Variants in RIMS2 observed in about 807,000 individuals in gnomAD.
RIMS2 encodes the protein regulating synaptic membrane exocytosis protein 2.
RIMS2 carries 59 observed loss-of-function variants against 174.4 expected under a neutral mutation model. The ratio of observed to expected loss-of-function variants is 0.34; its 90% CI spans 0.27 to 0.42. The LOEUF (loss-of-function observed/expected upper bound fraction) is 0.42, where lower values mean the gene tolerates loss of function less well. RIMS2 is among the 10% of genes least tolerant of loss of function. The pLI is 1.00. For synonymous variants in RIMS2, 606 were observed against 572.5 expected (o/e 1.06, Z -0.84); for missense variants, 1,620 against 1,666.3 (o/e 0.97, Z 0.48).
In RIMS2 at chr8:103,910,799, C is replaced by T. The variant is rs114097934; in HGVS notation, c.1692+598C>T. Reference sequence around the variant, plus strand: ...ACTTAGGAACAAAGGAATGTTTTGTCTTTTGTCGCATGAGAGAACTTTGTA... The same window carrying T: ...ACTTAGGAACAAAGGAATGTTTTGTTTTTTGTCGCATGAGAGAACTTTGTA... On this transcript the variant is annotated intron_variant, in intron 5 of 23. Coordinates refer to ENST00000504942, the Ensembl canonical transcript of RIMS2. 8.1e-3 allele frequency among the ~76,000 whole-genome samples: 1,232 copies of T among 152,204 alleles called. 19 individuals are homozygous for T. The highest frequency in any genetic ancestry group is 0.028 in the African/African-American group (1,178 of 41,524).
In RIMS2 at chr8:103,500,762, T is replaced by C. The variant is rs568161876; in HGVS notation, c.-125T>C. Reference sequence around the variant, plus strand: ...GGGGGAGGGGGGCTGTCGCCTTGGATTGAAGGCCATTGATTTGTATGTATT... The same window carrying C: ...GGGGGAGGGGGGCTGTCGCCTTGGACTGAAGGCCATTGATTTGTATGTATT... On this transcript the variant is annotated 5_prime_UTR_variant, in exon 1 of 24. Transcript: ENST00000504942. 2.6e-5 allele frequency: 15 copies of C among 566,644 alleles called. No homozygotes were observed. The African/African-American group carries it at 2.9e-4, about 11-fold the overall frequency. The allele number at this position is 566,644 out of a possible 1,614,324, so 35.1% of individuals were successfully genotyped here.
intron 1 of RIMS2, among the ~76,000 whole-genome samples, chr8:103,690,095 G>A (rs943779178): frequency 6.6e-5 from 10 of 151,734 alleles, no homozygotes; most frequent in African/African-American, 2.2e-4. Flanking sequence ...CAAGTAGTTG[G>A]GGTTACAGGC....
chr8:103,551,338 A>G (rs1036571259), intron 1 of RIMS2, among the ~76,000 whole-genome samples: 5 of 152,208 alleles, frequency 3.3e-5, no homozygotes, highest in Non-Finnish European at 7.3e-5. Context: ...AACAGAATCA[A>G]AGACAAAAAC....
chr8:103,921,539 C>T (rs2077664965), intron 9 of RIMS2, 133 bp from the exon 13 acceptor site: 6 of 563,702 alleles, frequency 1.1e-5, no homozygotes, highest in Non-Finnish European at 1.6e-5. Flanking sequence ...AATGTTTTGT[C>T]TAAGAAATGG....
Position 103,522,146 on chromosome 8 carries a change from TC to T in RIMS2, c.176+21085del, listed in dbSNP as rs1586723676. The stretch of plus-strand genomic sequence containing the variant: ...TCCTCCATTCTACTGCATAGTCTTT[TC>T]TATCAATTGTTGTTCAATTGAATTT... On this transcript the variant is annotated intron_variant, in intron 1 of 23. Coordinates refer to ENST00000504942, the Ensembl canonical transcript of RIMS2. Among the ~76,000 whole-genome samples, 5 of 152,282 alleles carry T rather than the reference TC, an allele frequency of 3.3e-5. No individual in the cohort carries two copies. In the East Asian group the frequency reaches 9.6e-4, roughly 29 times the overall value.
chr8:103,754,879 C>T (rs1365398192), intron 2 of RIMS2, among the ~76,000 whole-genome samples: 2 of 152,084 alleles, frequency 1.3e-5, no homozygotes, highest in Non-Finnish European at 2.9e-5. Flanking sequence ...TTGACTCTAT[C>T]CAATTTGCCA....
chr8:104,139,823 CATCTTTGCCATGTTTCAG>C (rs1396953494), intron 19 of RIMS2, among the ~76,000 whole-genome samples: 1 of 152,034 alleles, frequency 6.6e-6, no homozygotes, highest in East Asian at 1.9e-4. Context: ...TGAAAATGGC[CATCTTTGCCATGTTTCAG>C]ATCTTGCAGG....
At chr8:103,788,788 G>C (rs1303030291) in intron 3 of RIMS2, among the ~76,000 whole-genome samples, 1 of 152,206 alleles carries the variant, frequency 6.6e-6, no homozygotes, top group Non-Finnish European at 1.5e-5. Context: ...TTGAGCTGTG[G>C]TGGGCTCCAC....
intron 2 of RIMS2, 89 bp from the exon 6 acceptor site, chr8:103,766,138 A>G (rs2098168266): frequency 2.4e-6 from 2 of 836,778 alleles, no homozygotes; most frequent in Non-Finnish European, 3.7e-6. Flanking sequence ...TAACCACGTA[A>G]TTTTTTGTTT....
At chr8:104,174,187 T>G (rs2098852819) in intron 19 of RIMS2, among the ~76,000 whole-genome samples, 1 of 152,086 alleles carries the variant, frequency 6.6e-6, no homozygotes, top group Non-Finnish European at 1.5e-5. Context: ...CCTCAGGTGA[T>G]CCATCCGCTT....
At chr8:103,535,746 A>G (rs1398288796) in intron 1 of RIMS2, among the ~76,000 whole-genome samples, 1 of 152,228 alleles carries the variant, frequency 6.6e-6, no homozygotes, top group Non-Finnish European at 1.5e-5. Context: ...AACTTTAATA[A>G]GCTTCTGAAT....
At chr8:103,887,768 T>C (rs1411092840) in intron 4 of RIMS2, among the ~76,000 whole-genome samples, 3 of 151,436 alleles carry the variant, frequency 2.0e-5, no homozygotes, top group African/African-American at 7.3e-5. Context: ...TTGTTTCCAT[T>C]CTGAATTAAA....
chr8:103,624,609 A>G (rs1295312961), intron 1 of RIMS2, among the ~76,000 whole-genome samples: 2 of 152,242 alleles, frequency 1.3e-5, no homozygotes, highest in Admixed American at 1.3e-4. Context: ...ACTTTGCTAT[A>G]CATGTGTATA....
At chr8:103,530,128 G>T (rs1689896084) in intron 1 of RIMS2, among the ~76,000 whole-genome samples, 2 of 152,172 alleles carry the variant, frequency 1.3e-5, no homozygotes, top group Non-Finnish European at 2.9e-5. Context: ...CATGATAGTA[G>T]TGTATATGTT....
At chr8:103,625,301 C>T (rs1411481021) in intron 1 of RIMS2, among the ~76,000 whole-genome samples, 1 of 152,038 alleles carries the variant, frequency 6.6e-6, no homozygotes, top group South Asian at 2.1e-4. Context: ...TTAAGGAGTA[C>T]TGAATAAGGT....
chr8:103,570,280 C>G (rs1456811501), intron 1 of RIMS2, among the ~76,000 whole-genome samples: 2 of 152,172 alleles, frequency 1.3e-5, no homozygotes, highest in African/African-American at 4.8e-5. Flanking sequence ...ACATTCTCCA[C>G]AAAGAATAGA....
intron 1 of RIMS2, among the ~76,000 whole-genome samples, chr8:103,608,553 A>G (rs1168829182): frequency 2.8e-5 from 4 of 145,030 alleles, no homozygotes; most frequent in Middle Eastern, 3.2e-3. Context: ...TGTTTACCTA[A>G]GCAAGCCTGG....
intron 23 of RIMS2, 22 bp from the exon 30 acceptor site, chr8:104,251,580 C>G (rs1322644097): frequency 7.6e-7 from 1 of 1,314,990 alleles, no homozygotes; most frequent in Admixed American, 1.7e-5. Flanking sequence ...TGACATCACT[C>G]TACTTTTTAT....
intron 3 of RIMS2, among the ~76,000 whole-genome samples, chr8:103,779,516 A>G (rs1464156581): frequency 3.9e-5 from 6 of 151,976 alleles, no homozygotes; most frequent in African/African-American, 9.7e-5. Flanking sequence ...CTTTCACCCT[A>G]TGAATGTTCT....
Sources: gnomAD v4.1 joint callset for allele counts (sites outside exome capture counted in the v4.1 genomes callset) on GRCh38, gnomAD v4.1.1 for gene constraint, MANE v1.5 for transcripts, NCBI Gene and HGNC (gene_info 2026-07-23, HGNC 2026-07-21) for gene names.